The following MYO5B variants were observed in gnomAD, a reference collection of about 807,000 sequenced individuals.
The protein encoded by MYO5B is unconventional myosin-Vb.
In MYO5B, 143 loss-of-function variants were observed where a neutral mutation model predicts 229.3. The ratio of observed to expected loss-of-function variants is 0.62; its 90% CI spans 0.54 to 0.72. The LOEUF is 0.72. Among genes scored for constraint, MYO5B ranks in the 30% least tolerant of loss-of-function variants. MYO5B has a pLI of 0.00. For synonymous variants in MYO5B, 918 were observed against 885.2 expected, an observed-to-expected ratio of 1.04 and a Z score of -0.66; for missense variants, 2,321 against 2,331.0, an observed-to-expected ratio of 1.00 and a Z score of 0.09.
chr18:49,957,682 CAAA>C (rs72450719), intron 12 of MYO5B, among the ~76,000 whole-genome samples: 125 of 120,878 alleles, frequency 1.0e-3, no homozygotes, highest in African/African-American at 3.2e-3. Context: ...CAAAAAAAGC[CAAA>C]AAAAAAAAAA....
At chr18:50,134,253 A>G (rs898205769) in intron 1 of MYO5B, among the ~76,000 whole-genome samples, 2 of 152,156 alleles carry the variant, frequency 1.3e-5, no homozygotes, top group South Asian at 2.1e-4. Context: ...AATAGTGATT[A>G]AGGGATAAAA....
intron 17 of MYO5B, among the ~76,000 whole-genome samples, chr18:49,919,688 G>A (rs2144176877): frequency 6.6e-6 from 1 of 152,326 alleles, no homozygotes; most frequent in South Asian, 2.1e-4. Context: ...TGATGAGAAT[G>A]CATAGAAACG....
chr18:49,911,232 C>A (rs1390703401), intron 18 of MYO5B, among the ~76,000 whole-genome samples: 1 of 152,122 alleles, frequency 6.6e-6, no homozygotes, highest in Non-Finnish European at 1.5e-5. Context: ...ACTAGAGAAG[C>A]CAGAGATCCT....
In MYO5B at chr18:50,124,001, C is replaced by T. The variant is rs550866956; in HGVS notation, c.28-68623G>A. On this transcript the variant is annotated intron_variant, in intron 1 of 39. Transcript: ENST00000285039. ...AGTCTTTTGAGTGACTGCAGATATGCCCATAATTATGTGTCTATAAATAAG... is the reference window on the plus strand; with the variant it reads ...AGTCTTTTGAGTGACTGCAGATATGTCCATAATTATGTGTCTATAAATAAG... Among the ~76,000 whole-genome samples, 5 of 152,316 alleles carry T rather than the reference C, an allele frequency of 3.3e-5. No individual in the cohort carries two copies. The East Asian group carries it at 5.8e-4, about 18-fold the overall frequency.
intron 1 of MYO5B, among the ~76,000 whole-genome samples, chr18:50,089,369 C>T (rs2031398050): frequency 6.6e-6 from 1 of 151,910 alleles, no homozygotes; most frequent in East Asian, 1.9e-4. Context: ...CAGAGCAAGA[C>T]TCCGTCTCAA....
chr18:49,875,312 A>C (rs1436031731), intron 26 of MYO5B, among the ~76,000 whole-genome samples: 1 of 152,198 alleles, frequency 6.6e-6, no homozygotes, highest in African/African-American at 2.4e-5. Flanking sequence ...AGCCCATGCA[A>C]GATCCCAGGT....
intron 16 of MYO5B, among the ~76,000 whole-genome samples, chr18:49,935,829 T>C (rs1473715489): frequency 6.6e-6 from 1 of 152,194 alleles, no homozygotes; most frequent in African/African-American, 2.4e-5. Context: ...CAGATGGGAA[T>C]GTGAGAAACA....
intron 35 of MYO5B, 68 bp from the exon 36 acceptor site, chr18:49,839,362 C>T (rs1481863605): frequency 6.3e-7 from 1 of 1,579,684 alleles, no homozygotes; most frequent in Non-Finnish European, 8.6e-7. Context: ...TTCCAGGGCT[C>T]TGGTAACTTT....
In MYO5B at chr18:49,841,458, TGAAAA is replaced by T. The variant is rs755218624; in HGVS notation, c.4612-9_4612-5del. 8 of 1,613,752 alleles carry T rather than the reference TGAAAA, an allele frequency of 5.0e-6. No homozygotes were observed. In the African/African-American group the frequency reaches 1.1e-4, roughly 22 times the overall value. On this transcript the variant is annotated splice_polypyrimidine_tract_variant and splice_region_variant and intron_variant, in intron 34 of 39. Coordinates refer to ENST00000285039, the MANE Select transcript of MYO5B (RefSeq NM_001080467.3). The stretch of plus-strand genomic sequence containing the variant: ...TCTCAAAGTCATCATTGTGCTTCTG[TGAAAA>T]GAAAAGGACATCCTCAGCTCTAAGT...
chr18:49,902,172 G>C (rs946973527), intron 21 of MYO5B, among the ~76,000 whole-genome samples: 1 of 152,154 alleles, frequency 6.6e-6, no homozygotes, highest in Non-Finnish European at 1.5e-5. Flanking sequence ...GACGCTCTAG[G>C]GGAGAGTCCA....
In MYO5B at chr18:50,113,518, A is replaced by G. The variant is rs117524212; in HGVS notation, c.28-58140T>C. On this transcript the variant is annotated intron_variant, in intron 1 of 39. Transcript: ENST00000285039. ...TGCTCTGATATGGTTTAATTATTAA[A>G]GTTAGGAAGCTGCTATCTCCTTTTC... 7.7e-4 allele frequency among the ~76,000 whole-genome samples: 118 copies of G among 152,382 alleles called. 3 individuals carry two copies. In the East Asian group the frequency reaches 0.021, roughly 27 times the overall value.
At chr18:49,839,449 C>A in intron 35 of MYO5B, 155 bp from the exon 36 acceptor site, 4 of 790,264 alleles carry the variant, frequency 5.1e-6, no homozygotes, top group Non-Finnish European at 8.6e-6. Context: ...CCTGTCAGTT[C>A]TTTGAGGCCT....
Position 49,962,257 on chromosome 18 carries a change from C to G in MYO5B, c.1545+9G>C. On this transcript the variant is annotated intron_variant, in intron 12 of 39. Transcript: ENST00000285039. The stretch of plus-strand genomic sequence containing the variant: ...CTAGAATTGAACTAATTTGCATCAT[C>G]AGTTTTACCTTACATTCTTCATCCA... 1 of 1,614,162 alleles carries G rather than the reference C, an allele frequency of 6.2e-7. No homozygotes were observed. The highest frequency in any genetic ancestry group is 1.3e-5 in the African/African-American group (1 of 75,060).
At chr18:49,852,014 G>A (rs968528891) in intron 31 of MYO5B, among the ~76,000 whole-genome samples, 8 of 152,110 alleles carry the variant, frequency 5.3e-5, no homozygotes, top group Admixed American at 1.3e-4. Flanking sequence ...CTCCTTGCCC[G>A]GCCAGCAGCA....
chr18:49,883,930 C>T (rs1184597171), intron 22 of MYO5B, among the ~76,000 whole-genome samples: 2 of 152,118 alleles, frequency 1.3e-5, no homozygotes, highest in African/African-American at 4.8e-5. Flanking sequence ...TGAAGCTGGA[C>T]CACTACCTCA....
chr18:50,163,343 T>C (rs2032798311), intron 1 of MYO5B, among the ~76,000 whole-genome samples: 1 of 151,798 alleles, frequency 6.6e-6, no homozygotes. Context: ...CCCTCCACTC[T>C]CCCAGGAGAG....
At chr18:50,039,360 C>G (rs947700195) in intron 3 of MYO5B, among the ~76,000 whole-genome samples, 1 of 152,138 alleles carries the variant, frequency 6.6e-6, no homozygotes, top group Non-Finnish European at 1.5e-5. Flanking sequence ...GAGACATAGT[C>G]TCACTTTGTC....
intron 2 of MYO5B, among the ~76,000 whole-genome samples, chr18:50,051,930 A>G (rs896439274): frequency 5.3e-5 from 8 of 152,198 alleles, no homozygotes; most frequent in Non-Finnish European, 2.9e-5. Flanking sequence ...TAAAAGAGGA[A>G]GAGTTCTGAA....
intron 17 of MYO5B, among the ~76,000 whole-genome samples, chr18:49,919,546 T>A (rs2025052300): frequency 6.6e-6 from 1 of 152,094 alleles, no homozygotes; most frequent in Admixed American, 6.6e-5. Context: ...CCAAAGAAGA[T>A]GTACAAATGG....
Sources: allele counts gnomAD v4.1 joint callset (sites outside exome capture counted in the v4.1 genomes callset), GRCh38; gene constraint gnomAD v4.1.1; transcripts MANE v1.5; gene names NCBI Gene and HGNC (gene_info 2026-07-23, HGNC 2026-07-21).